NPLOC4: variants seen among roughly 807,000 people sequenced by gnomAD.
The protein encoded by NPLOC4 is NPL4 homolog, ubiquitin recognition factor.
In NPLOC4, 18 loss-of-function variants were observed where a neutral mutation model predicts 80.6. The ratio of observed to expected loss-of-function variants is 0.22; its 90% CI spans 0.15 to 0.33. The LOEUF (loss-of-function observed/expected upper bound fraction) is 0.33. NPLOC4 is among the 10% of genes least tolerant of loss of function. The pLI is 1.00. For synonymous variants in NPLOC4, 313 were observed against 301.5 expected, an observed-to-expected ratio of 1.04 and a Z score of -0.39; for missense variants, 540 against 786.1, an observed-to-expected ratio of 0.69 and a Z score of 3.74.
rs1320743710 is a variant in NPLOC4 at position 81,572,993 on chromosome 17, A to T, written c.1282-905T>A. Among the ~76,000 whole-genome samples the T allele has an allele frequency of 1.3e-5, 2 of 152,328 alleles. No individual in the cohort carries two copies. The highest frequency in any genetic ancestry group is 4.8e-5 in the African/African-American group (2 of 41,566). ...TCAGATGCACAGAACATAAAGTTTA[A>T]TTATGGGGAAAAACGGCCAGCATAT... On this transcript the variant is annotated intron_variant, in intron 12 of 16. Coordinates refer to ENST00000331134, the MANE Select transcript of NPLOC4 (RefSeq NM_017921.4). This position sits in a 1 kb window ranked among gnomAD's most constrained non-coding sequence, Gnocchi z 4.5.
In NPLOC4 at chr17:81,559,222, G is replaced by T; in HGVS notation, c.*37C>A. On this transcript the variant is annotated 3_prime_UTR_variant, in exon 17 of 17. Transcript: ENST00000331134. ...ACGCTTCTGGCTTCAGGAAGGGCTG[G>T]GCTGGGCCCGGTCCTAGCCAGCAGA... is the stretch of plus-strand genomic sequence containing the variant. 2 of 1,563,316 alleles carry T rather than the reference G, an allele frequency of 1.3e-6. No homozygotes were observed. Among genetic ancestry groups the T allele is most frequent in the Non-Finnish European group, 8.7e-7 (1 of 1,154,776 alleles).
At chr17:81,594,550 C>T (rs902623857) in intron 11 of NPLOC4, among the ~76,000 whole-genome samples, 2 of 151,974 alleles carry the variant, frequency 1.3e-5, no homozygotes, top group East Asian at 1.9e-4. Flanking sequence ...CCGAGGTGGG[C>T]GGATCACGAG....
rs982885823 is a variant in NPLOC4 at position 81,596,058 on chromosome 17, G to A, written c.1120+58C>T. Reference sequence around the variant, plus strand: ...TAAGGATAAAAAGCTACCAAAAAGAGGAACAAAATATATTAACGAGGTGGT... The same window carrying A: ...TAAGGATAAAAAGCTACCAAAAAGAAGAACAAAATATATTAACGAGGTGGT... On this transcript the variant is annotated intron_variant, in intron 11 of 16. Coordinates refer to ENST00000331134, the MANE Select transcript of NPLOC4 (RefSeq NM_017921.4). 5.9e-6 allele frequency: 9 copies of A among 1,537,338 alleles called. No homozygotes were observed. The African/African-American group carries it at 8.3e-5, about 14-fold the overall frequency.
chr17:81,606,431 T>C (rs1049059891), intron 7 of NPLOC4, among the ~76,000 whole-genome samples: 1 of 152,132 alleles, frequency 6.6e-6, no homozygotes, highest in African/African-American at 2.4e-5. Flanking sequence ...GGATTTTAAA[T>C]AATCATCAGG....
intron 11 of NPLOC4, among the ~76,000 whole-genome samples, chr17:81,590,040 G>C (rs1362417404): frequency 6.6e-6 from 1 of 152,150 alleles, no homozygotes; most frequent in Non-Finnish European, 1.5e-5. Flanking sequence ...AAGCGGGTGG[G>C]AGAAGAGCAA....
chr17:81,615,504 T>A (rs886751566), intron 3 of NPLOC4, among the ~76,000 whole-genome samples: 1 of 152,134 alleles, frequency 6.6e-6, no homozygotes, highest in East Asian at 1.9e-4. Flanking sequence ...AAATATACTC[T>A]AAAATCAATT....
At chr17:81,594,342 TATTA>T (rs1445523024) in intron 11 of NPLOC4, among the ~76,000 whole-genome samples, 2 of 147,900 alleles carry the variant, frequency 1.4e-5, no homozygotes, top group Non-Finnish European at 3.0e-5. Flanking sequence ...AGTTAACATG[TATTA>T]ATTATTAACA....
rs1204441364 is a variant in NPLOC4, at chr17:81,558,013, G to A, written c.*1246C>T. ...CTGCAGCTGGGCCAGCCTCTCCCGT[G>A]GGTGCAGAGCAGCCCAGATGTGGCC... On this transcript the variant is annotated 3_prime_UTR_variant, in exon 17 of 17. Transcript: ENST00000331134. 1 of 152,536 alleles carries A rather than the reference G, an allele frequency of 6.6e-6. No individual in the cohort carries two copies. Among genetic ancestry groups the A allele is most frequent in the Non-Finnish European group, 1.5e-5 (1 of 68,184 alleles). The allele number at this position is 152,536 out of a possible 1,614,324, so 9.4% of individuals were successfully genotyped here.
chr17:81,595,247 A>G (rs1041449395), intron 11 of NPLOC4, among the ~76,000 whole-genome samples: 2 of 151,576 alleles, frequency 1.3e-5, no homozygotes, highest in African/African-American at 4.8e-5. Flanking sequence ...TAGCCTGGCC[A>G]ACAAGGCAAA....
At chr17:81,596,023 A>G (rs1373949155) in intron 11 of NPLOC4, 93 bp downstream of exon 11, 11 of 1,301,084 alleles carry the variant, frequency 8.5e-6, no homozygotes, top group South Asian at 1.4e-5. Context: ...AAAGTCCAGT[A>G]TAACTAAGTT....
intron 10 of NPLOC4, 84 bp downstream of exon 10, chr17:81,597,161 G>T: frequency 2.1e-6 from 2 of 935,310 alleles, no homozygotes; most frequent in South Asian, 1.4e-5. Context: ...AGAACCAGCG[G>T]TGCAAAGAGA....
chr17:81,635,552 G>A (rs1438758215), intron 1 of NPLOC4, among the ~76,000 whole-genome samples: 1 of 152,086 alleles, frequency 6.6e-6, no homozygotes, highest in African/African-American at 2.4e-5. Context: ...GTGTGTGTGA[G>A]ACAGTCTCAT....
At position 81,577,421 on chromosome 17, in the gene NPLOC4, G is replaced by C. The variant is rs1214281040; in HGVS notation, c.1282-5333C>G. On this transcript the variant is annotated intron_variant, in intron 12 of 16. Coordinates refer to ENST00000331134, the MANE Select transcript of NPLOC4 (RefSeq NM_017921.4). The surrounding 1 kb of genome is among the most constrained non-coding windows in gnomAD (Gnocchi z 4.3). ...TCTTCTCTTCTCCCTCTGAACCACA[G>C]CTTGGCTCATCTACTTCCGGGTTAG... 6.6e-6 allele frequency among the ~76,000 whole-genome samples: 1 copy of C among 151,602 alleles called. No individual in the cohort carries two copies. The highest frequency in any genetic ancestry group is 1.5e-5 in the Non-Finnish European group (1 of 67,938).
intron 1 of NPLOC4, among the ~76,000 whole-genome samples, chr17:81,635,351 T>C (rs9914952): frequency 0.015 from 785 of 52,950 alleles, 14 homozygotes; most frequent in African/African-American, 0.069. Context: ...AAAAATAAAA[T>C]AAGGTTAAAA....
rs567099734 is a variant in NPLOC4 at position 81,591,368 on chromosome 17, G to A, written c.1121-2264C>T. ...GAGAATCGCTTGACCCCAGGTAGCAGAGGCTGCGATGAGCTGAGATCATAC... is the reference window on the plus strand; with the variant it reads ...GAGAATCGCTTGACCCCAGGTAGCAAAGGCTGCGATGAGCTGAGATCATAC... On this transcript the variant is annotated intron_variant, in intron 11 of 16. Transcript: ENST00000331134. Among the ~76,000 whole-genome samples, 4 of 148,576 alleles carry A rather than the reference G, an allele frequency of 2.7e-5. No individual in the cohort carries two copies. In the East Asian group the frequency reaches 8.1e-4, roughly 30 times the overall value.
At chr17:81,619,526 G>T (rs995041908) in intron 3 of NPLOC4, among the ~76,000 whole-genome samples, 3 of 149,834 alleles carry the variant, frequency 2.0e-5, no homozygotes, top group African/African-American at 7.4e-5. Flanking sequence ...CTCTAGCCTG[G>T]GCAACAAGAA....
chr17:81,627,141 G>A (rs1285898438), intron 2 of NPLOC4, among the ~76,000 whole-genome samples: 3 of 148,590 alleles, frequency 2.0e-5, no homozygotes, highest in Admixed American at 6.7e-5. Context: ...TTGTAATCCC[G>A]GCACATTGGG....
intron 3 of NPLOC4, among the ~76,000 whole-genome samples, chr17:81,615,161 G>A (rs1312063248): frequency 2.1e-5 from 3 of 145,412 alleles, no homozygotes; most frequent in South Asian, 2.2e-4. Context: ...GTGCAGTGGC[G>A]TGATCTTGGC....
chr17:81,633,924 T>C (rs2035998372), intron 1 of NPLOC4, among the ~76,000 whole-genome samples: 1 of 151,450 alleles, frequency 6.6e-6, no homozygotes, highest in Non-Finnish European at 1.5e-5. Flanking sequence ...TGGAGTGCAG[T>C]GGTGCGATCT....
Sources: allele counts gnomAD v4.1 joint callset (sites outside exome capture counted in the v4.1 genomes callset), GRCh38; gene constraint gnomAD v4.1.1; non-coding constraint Gnocchi (gnomAD v3.1); transcripts MANE v1.5; gene names NCBI Gene and HGNC (gene_info 2026-07-23, HGNC 2026-07-21).